METTL2B: variants seen among roughly 807,000 people sequenced by gnomAD.
METTL2B encodes tRNA N(3)-cytidine methyltransferase METTL2B.
In METTL2B, 28 loss-of-function variants were observed where a neutral mutation model predicts 51.0. The ratio of observed to expected loss-of-function variants is 0.55; its 90% CI spans 0.41 to 0.75. The LOEUF is 0.75. METTL2B is among the 30% of genes least tolerant of loss of function. METTL2B has a pLI of 0.00. For missense variants in METTL2B, 313 were observed against 460.7 expected (o/e 0.68, Z 2.93); for synonymous variants, 128 against 166.3 (o/e 0.77, Z 1.77).
chr7:128,486,293 C>CA (rs200018421), intron 4 of METTL2B, among the ~76,000 whole-genome samples: 3,931 of 145,006 alleles, frequency 0.027, 70 homozygotes, highest in South Asian at 0.058. Flanking sequence ...AACTCCGTCT[C>CA]AAAAAAAAAA....
At chr7:128,498,710 G>A (rs1315086977) in intron 7 of METTL2B, among the ~76,000 whole-genome samples, 3 of 152,120 alleles carry the variant, frequency 2.0e-5, no homozygotes, top group African/African-American at 7.2e-5. Flanking sequence ...AAAGACATTT[G>A]AAAGACAGCC....
intron 5 of METTL2B, among the ~76,000 whole-genome samples, chr7:128,490,343 T>TTC (rs1792806393): frequency 6.7e-6 from 1 of 150,370 alleles, no homozygotes; most frequent in Admixed American, 6.6e-5. Flanking sequence ...TTTTTTTTTT[T>TTC]GAGACAGGGT....
rs1792878041 is a variant in METTL2B at position 128,493,847 on chromosome 7, A to T, written c.713A>T (p.His238Leu). The T allele has an allele frequency of 6.2e-7, 1 of 1,612,446 alleles. No individual in the cohort carries two copies. The highest frequency in any genetic ancestry group is 1.3e-5 in the African/African-American group (1 of 74,770). Reference protein sequence around the residue: ...YDPSRCFAFVHDLCDEEKSYP... With the variant: ...YDPSRCFAFVLDLCDEEKSYP... ...CCTTCTCGGTGTTTTGCCTTTGTTC[A>T]CGACCTGTGTGATGAAGAGAAGAGT... Residue 238 changes from histidine to leucine, a missense_variant, in exon 6 of 9, where the codon CAC (histidine) becomes CTC (leucine). By Grantham distance (99) the His-to-Leu change is moderately conservative. Around this residue, in one of 4 missense-constraint regions of METTL2B, gnomAD observed 138 missense variants for 187.6 expected, o/e 0.74. Transcript: ENST00000262432.
intron 4 of METTL2B, among the ~76,000 whole-genome samples, chr7:128,482,871 C>G (rs1431735491): frequency 6.6e-6 from 1 of 152,194 alleles, no homozygotes; most frequent in Non-Finnish European, 1.5e-5. Flanking sequence ...AAATGACATT[C>G]CAGTTCTGTA....
In METTL2B at chr7:128,501,029, A is replaced by C. The variant is rs10271878; in HGVS notation, c.982+61A>C. On this transcript the variant is annotated intron_variant, in intron 8 of 8. Transcript: ENST00000262432. ...CAGTACCAGATGGTCTTCAAGGCAC[A>C]TTCAGAAGGAAAACTATCTGGCCCC... The C allele has an allele frequency of 2.5e-6, 4 of 1,607,702 alleles. No homozygotes were observed. In the Admixed American group the frequency reaches 6.8e-5, roughly 27 times the overall value.
chr7:128,494,400 AT>A (rs1326653478), intron 6 of METTL2B, among the ~76,000 whole-genome samples: 3 of 152,294 alleles, frequency 2.0e-5, no homozygotes, highest in African/African-American at 7.2e-5. Context: ...CATCTCAACT[AT>A]TTTCCTAAAT....
intron 5 of METTL2B, among the ~76,000 whole-genome samples, chr7:128,492,466 A>G (rs1792850721): frequency 6.7e-6 from 1 of 149,510 alleles, no homozygotes; most frequent in African/African-American, 2.5e-5. Flanking sequence ...TATTTTTTGT[A>G]GAGATGAAGT....
At chr7:128,498,570 ACTC>A (rs977075437) in intron 7 of METTL2B, among the ~76,000 whole-genome samples, 5 of 152,082 alleles carry the variant, frequency 3.3e-5, no homozygotes, top group Non-Finnish European at 7.4e-5. Context: ...TAGAATTAGA[ACTC>A]CTTATATAAA....
chr7:128,501,689 A>G, intron 8 of METTL2B, 73 bp from the exon 9 acceptor site: 1 of 1,567,772 alleles, frequency 6.4e-7, no homozygotes, highest in South Asian at 1.2e-5. Flanking sequence ...GCCCCATTTA[A>G]CAAGGACTTA....
rs1279952009 is a variant in METTL2B at position 128,502,566 on chromosome 7, G to A, written c.*650G>A. 6.6e-6 allele frequency: 3 copies of A among 452,390 alleles called. No individual in the cohort carries two copies. The highest frequency in any genetic ancestry group is 4.7e-5 in the South Asian group (3 of 64,378). The allele number at this position is 452,390 out of a possible 1,614,324, so 28.0% of individuals were successfully genotyped here. A position where few individuals can be genotyped will look rare whatever the true frequency, so the allele number is the denominator to read the frequency against. ...ATGACCCTGTAGACAGCATCAAAAT[G>A]TGGTGTTCTTGTTAAGTAATTGATC... On this transcript the variant is annotated 3_prime_UTR_variant, in exon 9 of 9. Coordinates refer to ENST00000262432, the MANE Select transcript of METTL2B (RefSeq NM_018396.3).
At chr7:128,480,463 T>TAA (rs1393465266) in intron 3 of METTL2B, among the ~76,000 whole-genome samples, 184 bp from the exon 4 acceptor site, 8 of 152,040 alleles carry the variant, frequency 5.3e-5, no homozygotes, top group African/African-American at 1.9e-4. Context: ...TTCTTGTCTT[T>TAA]TAAGGGTTCC....
At chr7:128,500,569 C>A (rs983339396) in intron 7 of METTL2B, among the ~76,000 whole-genome samples, 5 of 152,116 alleles carry the variant, frequency 3.3e-5, no homozygotes, top group Non-Finnish European at 7.4e-5. Context: ...TTGCAGTGAT[C>A]TGAGGTCACG....
chr7:128,494,295 C>A (rs1282763940), intron 6 of METTL2B, among the ~76,000 whole-genome samples: 1 of 152,134 alleles, frequency 6.6e-6, no homozygotes, highest in African/African-American at 2.4e-5. Flanking sequence ...CCCAGCCTGG[C>A]AAGAGACCTT....
intron 7 of METTL2B, among the ~76,000 whole-genome samples, chr7:128,499,800 C>T (rs7778873): frequency 0.56 from 85,449 of 151,942 alleles, 24,735 homozygotes; most frequent in Middle Eastern, 0.74. Context: ...GGATTACAGG[C>T]GTGAGCCACT....
chr7:128,482,439 C>T (rs1256502326), intron 4 of METTL2B, among the ~76,000 whole-genome samples: 1 of 152,066 alleles, frequency 6.6e-6, no homozygotes, highest in Non-Finnish European at 1.5e-5. Context: ...TATGTGTGAG[C>T]CGCCGCGCCC....
intron 8 of METTL2B, 133 bp from the exon 9 acceptor site, chr7:128,501,629 G>C: frequency 6.7e-7 from 1 of 1,490,150 alleles, no homozygotes; most frequent in Non-Finnish European, 8.9e-7. Context: ...AGCCACCACT[G>C]CATTTATAAC....
chr7:128,478,581 C>A (rs1799833191), intron 2 of METTL2B, among the ~76,000 whole-genome samples: 1 of 149,056 alleles, frequency 6.7e-6, no homozygotes, highest in African/African-American at 2.5e-5. Context: ...TAAAAGTCAT[C>A]TGGCTGGGCG....
chr7:128,483,173 G>A (rs751498695), intron 4 of METTL2B: 1 of 152,270 alleles, frequency 6.6e-6, no homozygotes, highest in African/African-American at 2.4e-5. Context: ...TATCATCAAT[G>A]AATGTAAAAC....
rs1398708341 is a variant in METTL2B at position 128,498,064 on chromosome 7, A to G, written c.838A>G (p.Arg280Gly). 1.9e-6 allele frequency: 3 copies of G among 1,613,644 alleles called. No homozygotes were observed. The highest frequency in any genetic ancestry group is 2.5e-6 in the Non-Finnish European group (3 of 1,179,794). ...KMQKAINRLS[R>G]LLKPGGMVLL... ...GCAGAAGGCTATCAACAGGCTGAGC[A>G]GGCTTCTGAAACCTGGGGGGATGGT... The change falls in exon 7 of 9, where the codon AGG becomes GGG. Residue 280 changes from arginine to glycine, a missense_variant. Coordinates refer to ENST00000262432, the MANE Select transcript of METTL2B (RefSeq NM_018396.3).
Sources: allele counts gnomAD v4.1 joint callset (sites outside exome capture counted in the v4.1 genomes callset), GRCh38; gene constraint gnomAD v4.1.1; regional missense constraint gnomAD v4.1.1; transcripts MANE v1.5; gene names NCBI Gene and HGNC (gene_info 2026-07-23, HGNC 2026-07-21).